SH3GLB2: variants seen among roughly 807,000 people sequenced by gnomAD.
SH3GLB2 encodes the protein endophilin-B2.
A neutral mutation model predicts 48.0 loss-of-function variants in SH3GLB2; 24 were observed. The observed-to-expected ratio is 0.50, with a 90% confidence interval of 0.36 to 0.70. SH3GLB2 has a LOEUF of 0.70. Ranked by LOEUF, SH3GLB2 falls within the 30% of genes least tolerant of loss-of-function variation. The probability of loss-of-function intolerance (pLI) is 0.00; values close to 1 mark genes in which losing one functional copy is unlikely to be tolerated. For synonymous variants in SH3GLB2, 227 were observed against 207.6 expected, an observed-to-expected ratio of 1.09 and a Z score of -0.80; for missense variants, 425 against 516.0, an observed-to-expected ratio of 0.82 and a Z score of 1.71.
At position 129,014,152 on chromosome 9, in the gene SH3GLB2, G is replaced by A; in HGVS notation, c.561+259C>T. On this transcript the variant is annotated intron_variant, in intron 5 of 10. Coordinates refer to ENST00000372564, the MANE Select transcript of SH3GLB2 (RefSeq NM_020145.4). The surrounding 1 kb of genome is among the most constrained non-coding windows in gnomAD (Gnocchi z 4.1). ...GCATGCAGGAGACTCCAGCTGCCTG[G>A]CGGGGTGGTGCACCCAGCTGGGGGC... 4.9e-6 allele frequency: 3 copies of A among 611,002 alleles called. No homozygotes were observed. Among genetic ancestry groups the A allele is most frequent in the Non-Finnish European group, 9.1e-6 (3 of 330,338 alleles). 37.8% of individuals were successfully genotyped at this position (611,002 alleles called of 1,614,324 possible).
At chr9:129,013,576 GC>G (rs1843247516) in intron 5 of SH3GLB2, 1 of 174,124 alleles carries the variant, frequency 5.7e-6, no homozygotes, top group African/African-American at 2.4e-5. Context: ...CTCGCCAGGG[GC>G]AGTGCTGGCT....
chr9:129,016,676 T>G (rs577060817), intron 3 of SH3GLB2, among the ~76,000 whole-genome samples: 1 of 151,798 alleles, frequency 6.6e-6, no homozygotes, highest in Non-Finnish European at 1.5e-5. Context: ...ACTTTAAATT[T>G]AAAGACATGA....
chr9:129,015,428 A>G (rs1175357985), intron 3 of SH3GLB2, among the ~76,000 whole-genome samples: 3 of 152,214 alleles, frequency 2.0e-5, no homozygotes, highest in Admixed American at 6.5e-5. Flanking sequence ...ACAAATTGAA[A>G]AGCATTTAAT....
At chr9:129,019,205 GCGAGATC>G (rs989689047) in intron 3 of SH3GLB2, among the ~76,000 whole-genome samples, 2 of 151,762 alleles carry the variant, frequency 1.3e-5, no homozygotes, top group African/African-American at 2.4e-5. Context: ...GGGCAACATA[GCGAGATC>G]CCCATCTCTA....
chr9:129,012,891 G>A (rs1248362304), intron 5 of SH3GLB2: 9 of 1,320,686 alleles, frequency 6.8e-6, no homozygotes, highest in South Asian at 2.5e-5. Context: ...AGGCTCTGGC[G>A]GGGAGACCAG....
chr9:129,027,972 G>T (rs1371119651), intron 1 of SH3GLB2, 120 bp downstream of exon 1: 1 of 920,876 alleles, frequency 1.1e-6, no homozygotes, highest in East Asian at 3.6e-5. Flanking sequence ...GGTGTGCCGC[G>T]GCGGGGACGA....
chr9:129,022,238 C>A, intron 2 of SH3GLB2, 44 bp downstream of exon 2: 1 of 1,605,008 alleles, frequency 6.2e-7, no homozygotes, highest in Non-Finnish European at 8.5e-7. Flanking sequence ...TGTATCCCTG[C>A]CCCACGACTA....
At chr9:129,017,016 T>C (rs956035763) in intron 3 of SH3GLB2, among the ~76,000 whole-genome samples, 2 of 150,552 alleles carry the variant, frequency 1.3e-5, no homozygotes, top group African/African-American at 2.4e-5. Flanking sequence ...GGCGCGCTCT[T>C]GGCTCGCTGC....
intron 3 of SH3GLB2, among the ~76,000 whole-genome samples, chr9:129,020,040 C>A (rs999268564): frequency 2.7e-5 from 4 of 150,738 alleles, no homozygotes; most frequent in African/African-American, 9.8e-5. Context: ...ACCGTCTCTA[C>A]TAAAAATACA....
rs1843326769 is a variant in SH3GLB2 at position 129,014,751 on chromosome 9, A to C, written c.468+20T>G. ...AACTGCCATGGTTACCAGGAAGCGG[A>C]ATAGTCCCAGGGCCCTCACCGAGAT... On this transcript the variant is annotated intron_variant, in intron 4 of 10. Coordinates refer to ENST00000372564, the MANE Select transcript of SH3GLB2 (RefSeq NM_020145.4). The surrounding 1 kb of genome is among the most constrained non-coding windows in gnomAD (Gnocchi z 4.1). 1 of 1,607,264 alleles carries C rather than the reference A, an allele frequency of 6.2e-7. No individual in the cohort carries two copies. Among genetic ancestry groups the C allele is most frequent in the Admixed American group, 1.7e-5 (1 of 58,648 alleles).
chr9:129,027,705 G>A (rs974698097), intron 1 of SH3GLB2, among the ~76,000 whole-genome samples: 1 of 152,242 alleles, frequency 6.6e-6, no homozygotes, highest in Non-Finnish European at 1.5e-5. Context: ...TGTGGTGGAC[G>A]CATGAGTCCC....
In SH3GLB2 at chr9:129,009,231, G is replaced by C. The variant is rs1333270367; in HGVS notation, c.955C>G (p.Pro319Ala). 6.3e-7 allele frequency: 1 copy of C among 1,598,478 alleles called. No individual in the cohort carries two copies. Residue 319 changes from proline to alanine, a missense_variant, in exon 10 of 11, where the codon CCT (proline) becomes GCT (alanine). Coordinates refer to ENST00000372564, the MANE Select transcript of SH3GLB2 (RefSeq NM_020145.4). The stretch of plus-strand genomic sequence containing the variant: ...AGGCAGAGCGAGGCCTCCCCCGGAG[G>C]GGCCAGGCTGGCCACAGAGGGCACC... ...PVVPSVASLA[P>A]PGEASLCLEE...
In SH3GLB2 at chr9:129,014,518, A is replaced by G. The variant is rs1430881704; in HGVS notation, c.469-15T>C. 2.6e-6 allele frequency: 4 copies of G among 1,551,610 alleles called. No individual in the cohort carries two copies. The Admixed American group carries it at 5.9e-5, about 23-fold the overall frequency. On this transcript the variant is annotated splice_polypyrimidine_tract_variant and intron_variant, in intron 4 of 10. Coordinates refer to ENST00000372564, the MANE Select transcript of SH3GLB2 (RefSeq NM_020145.4). This position sits in a 1 kb window ranked among gnomAD's most constrained non-coding sequence, Gnocchi z 4.1. ...CGCCTCTCCTTCTACAGGGCAGGGC[A>G]TGGGGACAGTGAGACCCTGGGCTGC...
chr9:129,015,002 C>A (rs1843345639), intron 3 of SH3GLB2, 98 bp from the exon 4 acceptor site: 2 of 1,487,790 alleles, frequency 1.3e-6, no homozygotes, highest in South Asian at 2.6e-5. Flanking sequence ...AGAGCAAGGG[C>A]CGGGGTGCTC....
chr9:129,017,715 G>A (rs972870754), intron 3 of SH3GLB2, among the ~76,000 whole-genome samples: 2 of 151,672 alleles, frequency 1.3e-5, no homozygotes, highest in Non-Finnish European at 2.9e-5. Context: ...TGGCTAACAC[G>A]GTGAAATCCC....
Position 129,016,145 on chromosome 9 carries a change from C to T in SH3GLB2, c.335-1241G>A, listed in dbSNP as rs528419017. Among the ~76,000 whole-genome samples, 334 of 151,616 alleles carry T rather than the reference C, an allele frequency of 2.2e-3. 3 individuals are homozygous for T. Among genetic ancestry groups the T allele is most frequent in the African/African-American group, 7.6e-3 (314 of 41,334 alleles). On this transcript the variant is annotated intron_variant, in intron 3 of 10. Transcript: ENST00000372564. Reference sequence around the variant, plus strand: ...GTCACTTGAGGTCAGGAGTTCGAGACCAACCTGGACAACATGGCAAAACCT... The same window carrying T: ...GTCACTTGAGGTCAGGAGTTCGAGATCAACCTGGACAACATGGCAAAACCT...
chr9:129,011,461 G>C lies in SH3GLB2; in HGVS notation c.625-768C>G, dbSNP rs1843117814. On this transcript the variant is annotated intron_variant, in intron 6 of 10. Transcript: ENST00000372564. This position sits in a 1 kb window ranked among gnomAD's most constrained non-coding sequence, Gnocchi z 4.5. Reference sequence around the variant, plus strand: ...CACCCAGCCACAGAACGACGGCACGGAAGACATGAGGCAGCATGCTCACGA... The same window carrying C: ...CACCCAGCCACAGAACGACGGCACGCAAGACATGAGGCAGCATGCTCACGA... 1 of 152,264 alleles carries C rather than the reference G, an allele frequency of 6.6e-6. No individual in the cohort carries two copies. Among genetic ancestry groups the C allele is most frequent in the South Asian group, 2.1e-4 (1 of 4,832 alleles). 9.4% of individuals were successfully genotyped at this position (152,264 alleles called of 1,614,324 possible).
rs1432545764 is a variant in SH3GLB2, at chr9:129,012,294, A to G, written c.566T>C (p.Val189Ala). The G allele has an allele frequency of 7.7e-7, 1 of 1,304,484 alleles. No homozygotes were observed. The highest frequency in any genetic ancestry group is 9.8e-7 in the Non-Finnish European group (1 of 1,019,434). The allele number at this position is 1,304,484 out of a possible 1,614,324, so 80.8% of individuals were successfully genotyped here. ...AGGTCTAGTCTCCTGAAAGTCAGGC[A>G]CCGTCTGGCGGGGAACAGAGTTCAT... ...AKAAEAKATTVPDFQETRPRN... is the reference protein window; with the variant it reads ...AKAAEAKATTAPDFQETRPRN... The change falls in exon 6 of 11, where the codon GTG becomes GCG. Residue 189 changes from valine (V) to alanine (A), a missense_variant. Physicochemically the swap from Val to Ala is moderately conservative, Grantham distance 64 (BLOSUM62 0). Coordinates refer to ENST00000372564, the MANE Select transcript of SH3GLB2 (RefSeq NM_020145.4).
chr9:129,010,218 G>A lies in SH3GLB2; in HGVS notation c.649-9C>T. The stretch of plus-strand genomic sequence containing the variant: ...CGGAGCTCCTGCTCGGCCTGGGCAG[G>A]GCAGGGCAGCCATGAGCACCCACAC... On this transcript the variant is annotated splice_polypyrimidine_tract_variant and intron_variant, in intron 7 of 10. Coordinates refer to ENST00000372564, the MANE Select transcript of SH3GLB2 (RefSeq NM_020145.4). The A allele has an allele frequency of 1.2e-6, 2 of 1,613,016 alleles. No individual in the cohort carries two copies. The highest frequency in any genetic ancestry group is 1.7e-6 in the Non-Finnish European group (2 of 1,179,510).
Sources: gnomAD v4.1 joint callset for allele counts (sites outside exome capture counted in the v4.1 genomes callset) on GRCh38, gnomAD v4.1.1 for gene constraint, Gnocchi (gnomAD v3.1) non-coding constraint, MANE v1.5 for transcripts, NCBI Gene and HGNC (gene_info 2026-07-23, HGNC 2026-07-21) for gene names.